The following FSIP2 variants were observed in gnomAD, a reference collection of about 807,000 sequenced individuals.
FSIP2 encodes the protein fibrous sheath-interacting protein 2.
Under a neutral mutation model 510.5 loss-of-function variants are expected in FSIP2, and 367 were observed. That is an observed-to-expected ratio of 0.72 (90% CI 0.66 to 0.78). The LOEUF (loss-of-function observed/expected upper bound fraction) is 0.78. FSIP2 is among the 30% of genes least tolerant of loss of function. FSIP2 has a pLI of 0.00. For synonymous variants in FSIP2, 2,601 were observed against 2,732.2 expected (o/e 0.95, Z 1.50); for missense variants, 7,594 against 7,901.7 (o/e 0.96, Z 1.48).
At position 185,799,997 on chromosome 2, in the gene FSIP2, T is replaced by C. The variant is rs1693390651; in HGVS notation, c.10691T>C (p.Ile3564Thr). Residue 3564 changes from isoleucine (I) to threonine (T), a missense_variant, in exon 17 of 23, where the codon ATT becomes ACT. Transcript: ENST00000424728. ...GELALCISEIIIKILFNNKII... is the reference protein window; with the variant it reads ...GELALCISEITIKILFNNKII... ...CTTGCTTTATGTATTTCTGAAATCA[T>C]TATTAAAATTCTTTTTAATAATAAA... 4.0e-6 allele frequency: 6 copies of C among 1,518,034 alleles called. No individual in the cohort carries two copies. Among genetic ancestry groups the C allele is most frequent in the African/African-American group, 1.4e-5 (1 of 72,150 alleles). The allele number at this position is 1,518,034 out of a possible 1,614,324, so 94.0% of individuals were successfully genotyped here.
In FSIP2 at chr2:185,813,832, C is replaced by A; in HGVS notation, c.20115C>A (p.Ser6705Arg). 1 of 1,613,544 alleles carries A rather than the reference C, an allele frequency of 6.2e-7. No homozygotes were observed. The highest frequency in any genetic ancestry group is 8.5e-7 in the Non-Finnish European group (1 of 1,179,734). Residue 6705 changes from serine to arginine, a missense_variant, in exon 18 of 23, where the codon AGC becomes AGA. Transcript: ENST00000424728. Reference protein sequence around the residue: ...QSKLSPKSTLSTSSLKKFLSL... With the variant: ...QSKLSPKSTLRTSSLKKFLSL... The stretch of plus-strand genomic sequence containing the variant: ...AACTTTCTCCTAAGTCAACACTAAG[C>A]ACGAGCAGCCTGAAAAAATTTTTGT...
intron 3 of FSIP2, 89 bp from the exon 4 acceptor site, chr2:185,744,225 TCAATTTAA>T (rs912226128): frequency 8.4e-6 from 2 of 236,788 alleles, no homozygotes; most frequent in African/African-American, 4.5e-5. Flanking sequence ...TATTTTTAAA[TCAATTTAA>T]TGATTTAAAA....
Position 185,752,166 on chromosome 2 carries a change from T to C in FSIP2, c.871-1556T>C, listed in dbSNP as rs190333821. Among the ~76,000 whole-genome samples, 1,110 of 151,392 alleles carry C rather than the reference T, an allele frequency of 7.3e-3. 12 individuals are homozygous for C. The highest frequency in any genetic ancestry group is 0.042 in the South Asian group (201 of 4,814). On this transcript the variant is annotated intron_variant, in intron 7 of 22. Coordinates refer to ENST00000424728, the MANE Select transcript of FSIP2 (RefSeq NM_173651.4). ...CTTATACTTTATTTTTGAAAACTTT[T>C]TTTTGAGTATATGTTGGTTAACATC... is the stretch of plus-strand genomic sequence containing the variant.
Position 185,806,297 on chromosome 2 carries a change from C to CACA in FSIP2, c.16991_16992insACA (p.Thr5664_Cys5665insGln). Reference sequence around the variant, plus strand: ...GGGAGAAGAGACTCTCCAACACAAACGTGTAGGGATGAGGAACACCACTCA... The same window carrying CACA: ...GGGAGAAGAGACTCTCCAACACAAACACAGTGTAGGGATGAGGAACACCACTCA... On this transcript the variant is annotated inframe_insertion, in exon 17 of 23. Coordinates refer to ENST00000424728, the MANE Select transcript of FSIP2 (RefSeq NM_173651.4). 1 of 1,606,288 alleles carries CACA rather than the reference C, an allele frequency of 6.2e-7. No individual in the cohort carries two copies. Among genetic ancestry groups the CACA allele is most frequent in the South Asian group, 1.1e-5 (1 of 90,162 alleles).
chr2:185,816,289 C>G (rs1478544847), intron 19 of FSIP2, among the ~76,000 whole-genome samples: 1 of 150,432 alleles, frequency 6.6e-6, no homozygotes, highest in Non-Finnish European at 1.5e-5. Context: ...CCACCATTGT[C>G]TCTTTTCTCC....
At chr2:185,743,398 G>A in intron 3 of FSIP2, 104 bp downstream of exon 3, 1 of 594,834 alleles carries the variant, frequency 1.7e-6, no homozygotes, top group Non-Finnish European at 2.6e-6. Flanking sequence ...CTTTTAACTT[G>A]GTCATGAGAC....
At chr2:185,767,314 A>G (rs1248007879) in intron 13 of FSIP2, among the ~76,000 whole-genome samples, 2 of 151,806 alleles carry the variant, frequency 1.3e-5, no homozygotes, top group Non-Finnish European at 2.9e-5. Context: ...AACTTAAAGT[A>G]TAATAAAAAA....
chr2:185,816,754 G>C lies in FSIP2; in HGVS notation c.20426+1283G>C, dbSNP rs565525518. Among the ~76,000 whole-genome samples, 7 of 151,956 alleles carry C rather than the reference G, an allele frequency of 4.6e-5. No individual in the cohort carries two copies. In the East Asian group the frequency reaches 1.4e-3, roughly 30 times the overall value. On this transcript the variant is annotated intron_variant, in intron 19 of 22. Transcript: ENST00000424728. ...GCACCTAGTCCTAGCTACTCAGGAG[G>C]CTGAGGTGATAGAATTGCTTGAGCT...
At position 185,804,585 on chromosome 2, in the gene FSIP2, A is replaced by G. The variant is rs78770430; in HGVS notation, c.15279A>G (p.Arg5093=). 5.0e-4 allele frequency: 769 copies of G among 1,533,000 alleles called. 6 individuals are homozygous for G. The African/African-American group carries it at 9.4e-3, about 19-fold the overall frequency. 95.0% of individuals were successfully genotyped at this position (1,533,000 alleles called of 1,614,324 possible). A position where few individuals can be genotyped will look rare whatever the true frequency, so the allele number is the denominator to read the frequency against. The change falls in exon 17 of 23, where the codon AGA becomes AGG. Residue 5093 remains arginine (R), a synonymous_variant. Coordinates refer to ENST00000424728, the MANE Select transcript of FSIP2 (RefSeq NM_173651.4). ...YSYPQADNII[R]NVLNIITKDS... is the part of the protein sequence containing the mutation. ...ATCCCCAAGCTGATAATATCATCAG[A>G]AATGTGCTTAACATAATCACAAAGG...
intron 19 of FSIP2, among the ~76,000 whole-genome samples, chr2:185,821,289 T>C (rs1013619269): frequency 6.6e-6 from 1 of 151,752 alleles, no homozygotes; most frequent in African/African-American, 2.4e-5. Flanking sequence ...AGTAAAGAAA[T>C]TGAACCAATA....
chr2:185,752,007 A>C (rs370769564), intron 7 of FSIP2, among the ~76,000 whole-genome samples: 7 of 151,344 alleles, frequency 4.6e-5, no homozygotes, highest in African/African-American at 1.4e-4. Context: ...TTGGCCAGAT[A>C]CTTAAAATTT....
Position 185,762,012 on chromosome 2 carries a change from A to AT in FSIP2, c.1236dup (p.Arg413Ter). On this transcript the variant is annotated frameshift_variant, in exon 11 of 23. Transcript: ENST00000424728. LOFTEE classifies it high-confidence loss of function. ...TCTAAAAACTCAAGTATTTTCGATG[A>AT]TAGAGGTAAGAAAATAAACAATAGT... The AT allele has an allele frequency of 6.9e-7, 1 of 1,446,576 alleles. No homozygotes were observed. The highest frequency in any genetic ancestry group is 9.4e-7 in the Non-Finnish European group (1 of 1,068,592). 89.6% of individuals were successfully genotyped at this position (1,446,576 alleles called of 1,614,324 possible).
At position 185,800,616 on chromosome 2, in the gene FSIP2, C is replaced by G. The variant is rs1313700877; in HGVS notation, c.11310C>G (p.Ser3770Arg). ...GAATACTTTTGGAAGAATGCACAAGCACTGCTTTTCCTGATAAAGGGTCTG... is the reference window on the plus strand; with the variant it reads ...GAATACTTTTGGAAGAATGCACAAGGACTGCTTTTCCTGATAAAGGGTCTG... ...LIRILLEECT[S>R]TAFPDKGSVS... is the part of the protein sequence containing the mutation. The change falls in exon 17 of 23, where the codon AGC becomes AGG. Residue 3770 changes from serine to arginine, a missense_variant. Transcript: ENST00000424728. 6.5e-7 allele frequency: 1 copy of G among 1,532,832 alleles called. No individual in the cohort carries two copies. Among genetic ancestry groups the G allele is most frequent in the Admixed American group, 2.0e-5 (1 of 50,600 alleles). The allele number at this position is 1,532,832 out of a possible 1,614,324, so 95.0% of individuals were successfully genotyped here.
At chr2:185,828,786 C>T (rs1051203225) in intron 21 of FSIP2, among the ~76,000 whole-genome samples, 5 of 151,938 alleles carry the variant, frequency 3.3e-5, no homozygotes, top group African/African-American at 9.6e-5. Context: ...TACACATCTT[C>T]GTCTGTGTTT....
intron 14 of FSIP2, among the ~76,000 whole-genome samples, chr2:185,783,036 G>A (rs535683535): frequency 3.9e-5 from 6 of 152,092 alleles, no homozygotes; most frequent in Middle Eastern, 3.4e-3. Context: ...GCCTTCTTCC[G>A]GTAGCTTCTC....
In FSIP2 at chr2:185,790,630, C is replaced by G. The variant is rs763368954; in HGVS notation, c.3494C>G (p.Thr1165Arg). 3.3e-6 allele frequency: 5 copies of G among 1,534,012 alleles called. No individual in the cohort carries two copies. Among genetic ancestry groups the G allele is most frequent in the Non-Finnish European group, 4.4e-6 (5 of 1,145,396 alleles). ...ATGTTTTCTGTTTCAGAAATCAGTA[C>G]AGTGGCTCAAGAAATAACAGATTCT... is the stretch of plus-strand genomic sequence containing the variant. ...DQMFSVSEIS[T>R]VAQEITDSVL... Residue 1165 changes from threonine to arginine, a missense_variant, in exon 16 of 23, where the codon ACA becomes AGA. Physicochemically the swap from Thr to Arg is moderately conservative, Grantham distance 71. Coordinates refer to ENST00000424728, the MANE Select transcript of FSIP2 (RefSeq NM_173651.4).
chr2:185,791,534 C>G lies in FSIP2; in HGVS notation c.4398C>G (p.Thr1466=). Residue 1466 remains threonine, a synonymous_variant, in exon 16 of 23, where the codon ACC becomes ACG. Coordinates refer to ENST00000424728, the MANE Select transcript of FSIP2 (RefSeq NM_173651.4). ...GTAGTCAACAAAGCAGAGAGATGAC[C>G]AATAAGAATCAGAAAATGGCTGCTG... The part of the protein sequence containing the change: ...LSCSQQSREM[T]NKNQKMAAAL... The G allele has an allele frequency of 6.5e-7, 1 of 1,534,278 alleles. No homozygotes were observed.
intron 7 of FSIP2, 92 bp from the exon 8 acceptor site, chr2:185,753,630 A>G: frequency 1.6e-6 from 1 of 631,930 alleles, no homozygotes; most frequent in Non-Finnish European, 2.5e-6. Flanking sequence ...CTGATTATCC[A>G]TTTTCAAAAT....
chr2:185,828,769 A>G (rs539151048), intron 21 of FSIP2, among the ~76,000 whole-genome samples: 4 of 151,894 alleles, frequency 2.6e-5, no homozygotes, highest in African/African-American at 7.2e-5. Context: ...CCAATGAGAA[A>G]TGAAGCTACA....
Sources: allele counts gnomAD v4.1 joint callset (sites outside exome capture counted in the v4.1 genomes callset), GRCh38; gene constraint gnomAD v4.1.1; transcripts MANE v1.5; gene names NCBI Gene and HGNC (gene_info 2026-07-23, HGNC 2026-07-21).